FSTL4: variants seen among roughly 807,000 people sequenced by gnomAD.
The protein encoded by FSTL4 is follistatin like 4.
A neutral mutation model predicts 78.2 loss-of-function variants in FSTL4; 28 were observed. The observed-to-expected ratio is 0.36, with a 90% CI of 0.27 to 0.49. The LOEUF (loss-of-function observed/expected upper bound fraction) is 0.49. Ranked by LOEUF, FSTL4 falls within the 20% of genes least tolerant of loss-of-function variation. FSTL4 has a pLI of 0.98. For synonymous variants in FSTL4, 422 were observed against 440.5 expected (o/e 0.96, Z 0.53); for missense variants, 922 against 1,084.9 (o/e 0.85, Z 2.11).
rs1297139589 is a variant in FSTL4, at chr5:133,352,401, T to TAC, written c.410-35751_410-35750dup. ...ATATATATATACACACACATATATA[T>TAC]ACACATATATATATATGGTTTTCTT... On this transcript the variant is annotated intron_variant, in intron 4 of 15. Transcript: ENST00000265342. Among the ~76,000 whole-genome samples the TAC allele has an allele frequency of 1.2e-3, 179 of 150,932 alleles. 4 individuals carry two copies. Among genetic ancestry groups the TAC allele is most frequent in the Non-Finnish European group, 4.0e-4 (27 of 67,830 alleles).
At chr5:133,256,919 A>G (rs1752394363) in intron 6 of FSTL4, among the ~76,000 whole-genome samples, 1 of 152,272 alleles carries the variant, frequency 6.6e-6, no homozygotes, top group Non-Finnish European at 1.5e-5. Context: ...CAACTGGCCT[A>G]TGTTGCTTGA....
chr5:133,513,491 TCAG>T (rs1449810993), intron 3 of FSTL4, among the ~76,000 whole-genome samples: 5 of 152,160 alleles, frequency 3.3e-5, no homozygotes. Context: ...ATCCATGTGT[TCAG>T]CAGGGCAGAG....
At chr5:133,695,416 G>C in the FSTL4 span, among the ~76,000 whole-genome samples, 3 of 152,126 alleles carry the variant, frequency 2.0e-5, no homozygotes, top group African/African-American at 7.2e-5. Flanking sequence ...AGGGAAGGCA[G>C]GTTTCCCTTC....
At chr5:133,287,682 C>G (rs902588066) in intron 6 of FSTL4, among the ~76,000 whole-genome samples, 1 of 152,234 alleles carries the variant, frequency 6.6e-6, no homozygotes, top group African/African-American at 2.4e-5. Context: ...TGACCTGACA[C>G]TGTGGTCCCC....
chr5:133,627,349 G>C, the FSTL4 span, among the ~76,000 whole-genome samples: 2 of 152,162 alleles, frequency 1.3e-5, no homozygotes, highest in Non-Finnish European at 2.9e-5. Context: ...ACAAGACAAT[G>C]AGAGCCAAGG....
chr5:133,790,061 C>A, the FSTL4 span, among the ~76,000 whole-genome samples: 1 of 152,166 alleles, frequency 6.6e-6, no homozygotes, highest in South Asian at 2.1e-4. Context: ...TGCTCTCCAC[C>A]TCTGGTCTCC....
intron 4 of FSTL4, among the ~76,000 whole-genome samples, chr5:133,363,520 C>T (rs1755115338): frequency 6.6e-6 from 1 of 152,268 alleles, no homozygotes; most frequent in South Asian, 2.1e-4. Context: ...TGAAGTACTC[C>T]GTCCAGCCCT....
At chr5:133,456,410 G>T (rs1057091695) in intron 3 of FSTL4, among the ~76,000 whole-genome samples, 1 of 152,202 alleles carries the variant, frequency 6.6e-6, no homozygotes, top group Non-Finnish European at 1.5e-5. Flanking sequence ...TTACACACTT[G>T]GCTAGTGAGC....
chr5:133,649,640 C>T, the FSTL4 span, among the ~76,000 whole-genome samples: 492 of 152,232 alleles, frequency 3.2e-3, 3 homozygotes, highest in African/African-American at 0.011. Flanking sequence ...TTGCTTATTG[C>T]TATCTACATC....
intron 6 of FSTL4, among the ~76,000 whole-genome samples, chr5:133,297,361 T>C (rs1339156524): frequency 6.6e-6 from 1 of 151,990 alleles, no homozygotes; most frequent in Non-Finnish European, 1.5e-5. Context: ...CTCCCACCTG[T>C]CCTCAAGCCA....
At chr5:133,794,226 T>C in the FSTL4 span, among the ~76,000 whole-genome samples, 3 of 152,252 alleles carry the variant, frequency 2.0e-5, no homozygotes, top group Non-Finnish European at 4.4e-5. Context: ...GGATAGCTTT[T>C]AGAAGGGCTC....
the FSTL4 span, among the ~76,000 whole-genome samples, chr5:133,826,023 C>T: frequency 3.3e-5 from 5 of 152,248 alleles, no homozygotes; most frequent in Non-Finnish European, 5.9e-5. Context: ...ACACCACCAA[C>T]TTCCTGCCAC....
chr5:133,392,828 T>C (rs1420145667), intron 4 of FSTL4, among the ~76,000 whole-genome samples: 1 of 152,206 alleles, frequency 6.6e-6, no homozygotes, highest in Non-Finnish European at 1.5e-5. Context: ...GGCTGTAGCT[T>C]GTTTCCATAA....
chr5:133,249,905 CG>C (rs890249063), intron 6 of FSTL4, among the ~76,000 whole-genome samples: 4 of 152,162 alleles, frequency 2.6e-5, no homozygotes, highest in African/African-American at 9.7e-5. Flanking sequence ...ACAGAGAGAC[CG>C]GGGGGCAGGG....
At chr5:133,706,134 T>C in the FSTL4 span, among the ~76,000 whole-genome samples, 27 of 152,222 alleles carry the variant, frequency 1.8e-4, no homozygotes, top group African/African-American at 6.5e-4. Flanking sequence ...TGTCCCTTGG[T>C]CTGTATGGTC....
At chr5:133,739,714 C>T in the FSTL4 span, among the ~76,000 whole-genome samples, 1 of 152,200 alleles carries the variant, frequency 6.6e-6, no homozygotes, top group African/African-American at 2.4e-5. Flanking sequence ...ACGTTGCATA[C>T]ACAATCTCCT....
chr5:133,341,462 G>C (rs1320992491), intron 4 of FSTL4, among the ~76,000 whole-genome samples: 2 of 152,144 alleles, frequency 1.3e-5, no homozygotes, highest in East Asian at 3.9e-4. Flanking sequence ...CCTTGCACGT[G>C]GTCCTAGGAA....
chr5:133,199,358 G>A lies in FSTL4; in HGVS notation c.2266C>T (p.His756Tyr), dbSNP rs746405179. The change falls in exon 16 of 16, where the codon CAC (histidine) becomes TAC (tyrosine). Residue 756 changes from histidine (H) to tyrosine (Y), a missense_variant. Transcript: ENST00000265342. The surrounding 1 kb of genome is among the most constrained non-coding windows in gnomAD (Gnocchi z 4.4). Reference sequence around the variant, plus strand: ...AGGAACAGCAGGTCCGGCTCCGTGTGCAGAGCCGCGTAGATGTTGTATTGA... The same window carrying A: ...AGGAACAGCAGGTCCGGCTCCGTGTACAGAGCCGCGTAGATGTTGTATTGA... Reference protein sequence around the residue: ...SNQYNIYAALHTEPDLLFLEL... With the variant: ...SNQYNIYAALYTEPDLLFLEL... The A allele has an allele frequency of 5.1e-5, 83 of 1,613,968 alleles. No homozygotes were observed. In the South Asian group the frequency reaches 8.6e-4, roughly 17 times the overall value.
intron 4 of FSTL4, among the ~76,000 whole-genome samples, chr5:133,385,936 T>C (rs901683640): frequency 6.6e-6 from 1 of 152,072 alleles, no homozygotes; most frequent in Admixed American, 6.5e-5. Flanking sequence ...TGTGTGTGTT[T>C]TTTTTTTAAA....
Sources: allele counts gnomAD v4.1 joint callset (sites outside exome capture counted in the v4.1 genomes callset), GRCh38; gene constraint gnomAD v4.1.1; non-coding constraint Gnocchi (gnomAD v3.1); transcripts MANE v1.5; gene names NCBI Gene and HGNC (gene_info 2026-07-23, HGNC 2026-07-21).